AGAP1: variants seen among roughly 807,000 people sequenced by gnomAD.
AGAP1 encodes the protein ArfGAP with GTPase domain, ankyrin repeat and PH domain 1.
A neutral mutation model predicts 105.3 loss-of-function variants in AGAP1; 29 were observed. That is an observed-to-expected ratio of 0.28 (90% CI 0.21 to 0.38). AGAP1 has a LOEUF of 0.38. AGAP1 is among the 10% of genes least tolerant of loss of function. The pLI is 1.00. For missense variants in AGAP1, 998 were observed against 1,165.1 expected (o/e 0.86, Z 2.09); for synonymous variants, 509 against 485.9 (o/e 1.05, Z -0.63).
In AGAP1 at chr2:235,919,184, C is replaced by T. The variant is rs1171388817; in HGVS notation, c.1324+10278C>T. Among the ~76,000 whole-genome samples the T allele has an allele frequency of 6.6e-6, 1 of 152,154 alleles. No individual in the cohort carries two copies. The highest frequency in any genetic ancestry group is 6.5e-5 in the Admixed American group (1 of 15,274). On this transcript the variant is annotated intron_variant, in intron 11 of 17. Coordinates refer to ENST00000304032, the MANE Select transcript of AGAP1 (RefSeq NM_001037131.3). This position sits in a 1 kb window ranked among gnomAD's most constrained non-coding sequence, Gnocchi z 4.1. Reference sequence around the variant, plus strand: ...CGCGCCCCCTCCACCAGGGAGCCAGCTGCCAGCCCCGGGGGCCAGTGAGAA... The same window carrying T: ...CGCGCCCCCTCCACCAGGGAGCCAGTTGCCAGCCCCGGGGGCCAGTGAGAA...
rs1482811699 is a variant in AGAP1, at chr2:235,734,608, G to T, written c.311-6355G>T. Among the ~76,000 whole-genome samples, 1 of 152,110 alleles carries T rather than the reference G, an allele frequency of 6.6e-6. No individual in the cohort carries two copies. The highest frequency in any genetic ancestry group is 2.1e-4 in the South Asian group (1 of 4,826). On this transcript the variant is annotated intron_variant, in intron 3 of 17. Coordinates refer to ENST00000304032, the MANE Select transcript of AGAP1 (RefSeq NM_001037131.3). The surrounding 1 kb of genome is among the most constrained non-coding windows in gnomAD (Gnocchi z 5.3). ...AGTAAAAAATGAAAGTTACAGACAG[G>T]TGTCTGTCTTTTTAGTTTCCTAAGC...
chr2:236,021,242 C>T lies in AGAP1; in HGVS notation c.1646-15319C>T, dbSNP rs544907792. On this transcript the variant is annotated intron_variant, in intron 13 of 17. Transcript: ENST00000304032. ...TTGCATGGGGAATAACTAGAATTGACGTTTTGGGAAGAGAAGATTGCTCAT... is the reference window on the plus strand; with the variant it reads ...TTGCATGGGGAATAACTAGAATTGATGTTTTGGGAAGAGAAGATTGCTCAT... Among the ~76,000 whole-genome samples, 62 of 151,710 alleles carry T rather than the reference C, an allele frequency of 4.1e-4. No individual in the cohort carries two copies. The South Asian group carries it at 5.4e-3, about 13-fold the overall frequency.
In AGAP1 at chr2:235,994,193, G is replaced by A. The variant is rs891067542; in HGVS notation, c.1645+25570G>A. Among the ~76,000 whole-genome samples the A allele has an allele frequency of 8.6e-5, 13 of 152,002 alleles. 1 individual carries two copies. The highest frequency in any genetic ancestry group is 6.3e-3 in the Middle Eastern group (2 of 316). On this transcript the variant is annotated intron_variant, in intron 13 of 17. Coordinates refer to ENST00000304032, the MANE Select transcript of AGAP1 (RefSeq NM_001037131.3). This position sits in a 1 kb window ranked among gnomAD's most constrained non-coding sequence, Gnocchi z 4.4. The stretch of plus-strand genomic sequence containing the variant: ...ATGTGTCCTTTTTAAGAGTCTTGTC[G>A]TTTCATACTCTCATTTTGGCAAGAC...
In AGAP1 at chr2:235,938,496, T is replaced by A. The variant is rs921316906; in HGVS notation, c.1483+7573T>A. ...ATAATCTACATTGAAATCTCCAGAT[T>A]TAGAGACTACAAAATGGGTTGAAAC... On this transcript the variant is annotated intron_variant, in intron 12 of 17. Coordinates refer to ENST00000304032, the MANE Select transcript of AGAP1 (RefSeq NM_001037131.3). 9.9e-5 allele frequency among the ~76,000 whole-genome samples: 15 copies of A among 152,284 alleles called. No individual in the cohort carries two copies. In the East Asian group the frequency reaches 2.9e-3, roughly 29 times the overall value.
chr2:235,515,303 T>G (rs4663601), intron 1 of AGAP1, among the ~76,000 whole-genome samples: 101,272 of 151,842 alleles, frequency 0.67, 33,876 homozygotes, highest in Admixed American at 0.72. Flanking sequence ...AGGCTGCCTG[T>G]GTATTTAGGG....
chr2:235,912,366 C>CG (rs978393085), intron 11 of AGAP1, among the ~76,000 whole-genome samples: 1 of 152,108 alleles, frequency 6.6e-6, no homozygotes, highest in Non-Finnish European at 1.5e-5. Context: ...ATTTAAGAGA[C>CG]GGGACTTCCA....
rs887470220 is a variant in AGAP1 at position 235,965,089 on chromosome 2, G to T, written c.1484-3373G>T. ...ACCTCGGGTACAGTTAACCAAGGAG[G>T]TTTACCAGATGTCCACCGTGGAAAG... On this transcript the variant is annotated intron_variant, in intron 12 of 17. Transcript: ENST00000304032. This position sits in a 1 kb window ranked among gnomAD's most constrained non-coding sequence, Gnocchi z 5.8. 1.3e-5 allele frequency among the ~76,000 whole-genome samples: 2 copies of T among 152,248 alleles called. No individual in the cohort carries two copies. The highest frequency in any genetic ancestry group is 4.8e-5 in the African/African-American group (2 of 41,478).
At chr2:235,990,634 G>A (rs1322443239) in intron 13 of AGAP1, among the ~76,000 whole-genome samples, 1 of 152,152 alleles carries the variant, frequency 6.6e-6, no homozygotes, top group East Asian at 1.9e-4. Flanking sequence ...CAGAAGTCTT[G>A]TTTCCTCTGT....
chr2:235,778,125 C>A (rs1956019528), intron 6 of AGAP1, among the ~76,000 whole-genome samples: 1 of 152,134 alleles, frequency 6.6e-6, no homozygotes, highest in Non-Finnish European at 1.5e-5. Context: ...AGCTGGGTGG[C>A]CCCTCTGTCC....
In AGAP1 at chr2:236,040,860, A is replaced by G; in HGVS notation, c.1891+19A>G. 6.2e-7 allele frequency: 1 copy of G among 1,613,872 alleles called. No homozygotes were observed. The highest frequency in any genetic ancestry group is 2.2e-5 in the East Asian group (1 of 44,884). ...ACCCAGAGTAAGTGTGTGCGGTGGT[A>G]GCAGGGGCTGGCGCTGTGTAGCTGG... On this transcript the variant is annotated intron_variant, in intron 15 of 17. Transcript: ENST00000304032. The surrounding 1 kb of genome is among the most constrained non-coding windows in gnomAD (Gnocchi z 5.6).
intron 16 of AGAP1, among the ~76,000 whole-genome samples, chr2:236,107,443 C>T (rs62189428): frequency 0.34 from 51,997 of 152,044 alleles, 9,592 homozygotes; most frequent in Middle Eastern, 0.48. Context: ...TTCATGATTC[C>T]TCAGACAGTC....
In AGAP1 at chr2:235,967,711, G is replaced by A. The variant is rs1003827612; in HGVS notation, c.1484-751G>A. 6.6e-6 allele frequency among the ~76,000 whole-genome samples: 1 copy of A among 152,186 alleles called. No homozygotes were observed. Among genetic ancestry groups the A allele is most frequent in the East Asian group, 1.9e-4 (1 of 5,200 alleles). The stretch of plus-strand genomic sequence containing the variant: ...TTTTCAGTGGGCTTTTTTCCACCCG[G>A]CTTGAATTATATGCGCGTTCTGGTC... On this transcript the variant is annotated intron_variant, in intron 12 of 17. Transcript: ENST00000304032. The surrounding 1 kb of genome is among the most constrained non-coding windows in gnomAD (Gnocchi z 4.7).
intron 13 of AGAP1, among the ~76,000 whole-genome samples, chr2:236,021,864 G>A (rs544310235): frequency 5.3e-5 from 8 of 152,006 alleles, no homozygotes; most frequent in African/African-American, 1.9e-4. Context: ...TTCGAGACCA[G>A]CCTGGGCAAT....
intron 13 of AGAP1, among the ~76,000 whole-genome samples, chr2:235,984,456 G>A (rs908552515): frequency 2.0e-5 from 3 of 147,934 alleles, no homozygotes; most frequent in Non-Finnish European, 3.0e-5. Flanking sequence ...AACTTTTCAA[G>A]GAACCACCAA....
Position 235,877,166 on chromosome 2 carries a change from A to T in AGAP1, c.1051-6179A>T, listed in dbSNP as rs1019291815. On this transcript the variant is annotated intron_variant, in intron 9 of 17. Transcript: ENST00000304032. The surrounding 1 kb of genome is among the most constrained non-coding windows in gnomAD (Gnocchi z 4.3). ...TGCCAGAGCCATTTAAAAGAACAAA[A>T]ATCTCATGAATCCTTCAACATTGAT... is the stretch of plus-strand genomic sequence containing the variant. Among the ~76,000 whole-genome samples the T allele has an allele frequency of 6.6e-6, 1 of 152,076 alleles. No homozygotes were observed. Among genetic ancestry groups the T allele is most frequent in the African/African-American group, 2.4e-5 (1 of 41,416 alleles).
chr2:235,846,038 A>T (rs1330282671), intron 9 of AGAP1, among the ~76,000 whole-genome samples: 2 of 152,152 alleles, frequency 1.3e-5, no homozygotes, highest in Non-Finnish European at 2.9e-5. Context: ...AAAAAATTTT[A>T]ATTTCACTAT....
At chr2:236,026,430 TAGAA>T (rs1458664529) in intron 13 of AGAP1, among the ~76,000 whole-genome samples, 3 of 152,082 alleles carry the variant, frequency 2.0e-5, no homozygotes, top group South Asian at 2.1e-4. Flanking sequence ...GGACATCAGT[TAGAA>T]AGAAGTATGA....
intron 11 of AGAP1, among the ~76,000 whole-genome samples, chr2:235,928,147 C>A (rs1048896289): frequency 2.1e-4 from 32 of 152,208 alleles, no homozygotes; most frequent in Non-Finnish European, 2.8e-4. Context: ...TTGTCCTTTT[C>A]CACCTTTGCG....
intron 1 of AGAP1, among the ~76,000 whole-genome samples, chr2:235,693,331 C>T (rs949130013): frequency 6.6e-6 from 1 of 152,112 alleles, no homozygotes; most frequent in Non-Finnish European, 1.5e-5. Context: ...GGGGCTGGGC[C>T]TTTATGCCTG....
Sources: gnomAD v4.1 joint callset for allele counts (sites outside exome capture counted in the v4.1 genomes callset) on GRCh38, gnomAD v4.1.1 for gene constraint, Gnocchi (gnomAD v3.1) non-coding constraint, MANE v1.5 for transcripts, NCBI Gene and HGNC (gene_info 2026-07-23, HGNC 2026-07-21) for gene names.